Variants in SDK1 observed in about 807,000 individuals in gnomAD.
SDK1 encodes sidekick cell adhesion molecule 1.
SDK1 carries 157 observed loss-of-function variants against 245.5 expected under a neutral mutation model. The observed-to-expected ratio is 0.64, with a 90% CI of 0.56 to 0.73. The LOEUF is 0.73. SDK1 is among the 30% of genes least tolerant of loss of function. SDK1 has a pLI of 0.00. For synonymous variants in SDK1, 1,647 were observed against 1,278.5 expected (o/e 1.29, Z -6.15); for missense variants, 3,583 against 3,002.3 (o/e 1.19, Z -4.52).
chr7:3,301,686 G>C lies in SDK1; in HGVS notation c.100G>C (p.Gly34Arg), dbSNP rs1164054416. 3 of 972,936 alleles carry C rather than the reference G, an allele frequency of 3.1e-6. 1 individual carries two copies. The African/African-American group carries it at 5.4e-5, about 17-fold the overall frequency. 60.3% of individuals were successfully genotyped at this position (972,936 alleles called of 1,614,324 possible). The change falls in exon 1 of 45, where the codon GGC becomes CGC. Residue 34 changes from glycine (G) to arginine (R), a missense_variant. Coordinates refer to ENST00000404826, the MANE Select transcript of SDK1 (RefSeq NM_152744.4). ...CGGGCGGCCGCGGGGATCCCCGCCCGGCCGCGCCCGCCCCTCGCTGGCGCC... is the reference window on the plus strand; with the variant it reads ...CGGGCGGCCGCGGGGATCCCCGCCCCGCCGCGCCCGCCCCTCGCTGGCGCC... ...GPGRPRGSPP[G>R]RARPSLAPRP...
At chr7:4,222,777 G>C (rs1333029420) in intron 40 of SDK1, among the ~76,000 whole-genome samples, 1 of 152,320 alleles carries the variant, frequency 6.6e-6, no homozygotes, top group East Asian at 1.9e-4. Context: ...AGTTGGTAAA[G>C]GATGTGAGTT....
chr7:3,324,415 G>A (rs1288442726), intron 1 of SDK1, among the ~76,000 whole-genome samples: 1 of 151,996 alleles, frequency 6.6e-6, no homozygotes, highest in Non-Finnish European at 1.5e-5. Flanking sequence ...TTTTTTGCTT[G>A]CCTGTTAATT....
At chr7:3,832,183 A>T (rs1216232674) in intron 5 of SDK1, among the ~76,000 whole-genome samples, 1 of 152,198 alleles carries the variant, frequency 6.6e-6, no homozygotes, top group Non-Finnish European at 1.5e-5. Context: ...TACTTTCACT[A>T]ATCTTATGCA....
intron 44 of SDK1, among the ~76,000 whole-genome samples, chr7:4,261,209 G>T (rs926531916): frequency 2.0e-5 from 3 of 152,176 alleles, no homozygotes; most frequent in African/African-American, 7.2e-5. Flanking sequence ...GTGCCGGACG[G>T]TGTCGGCTCA....
At chr7:4,103,093 C>T (rs555640640) in intron 22 of SDK1, among the ~76,000 whole-genome samples, 44 of 150,700 alleles carry the variant, frequency 2.9e-4, no homozygotes, top group African/African-American at 9.5e-4. Flanking sequence ...CTCCGCCTGC[C>T]GGGCTCACGC....
intron 44 of SDK1, among the ~76,000 whole-genome samples, chr7:4,255,249 A>G (rs1241297903): frequency 6.6e-6 from 1 of 152,220 alleles, no homozygotes; most frequent in African/African-American, 2.4e-5. Context: ...CACAGTTTTC[A>G]ACAATGTCCT....
intron 1 of SDK1, among the ~76,000 whole-genome samples, chr7:3,479,861 CAA>C (rs200021941): frequency 7.6e-6 from 1 of 132,272 alleles, no homozygotes; most frequent in Non-Finnish European, 1.6e-5. Context: ...GAGTCCATCT[CAA>C]AAAAAAAAAA....
chr7:3,862,145 C>G (rs1403843412), intron 5 of SDK1, among the ~76,000 whole-genome samples: 2 of 152,228 alleles, frequency 1.3e-5, no homozygotes, highest in East Asian at 3.8e-4. Flanking sequence ...TTACGCAATG[C>G]TTAGGAAATT....
At chr7:4,021,601 C>G (rs772744256) in intron 17 of SDK1, among the ~76,000 whole-genome samples, 22 of 152,192 alleles carry the variant, frequency 1.4e-4, no homozygotes, top group Admixed American at 2.6e-4. Context: ...GGTCACAAGC[C>G]TGCTGCTGCA....
chr7:3,482,264 C>G (rs1007845530), intron 1 of SDK1, among the ~76,000 whole-genome samples: 2 of 152,016 alleles, frequency 1.3e-5, no homozygotes, highest in African/African-American at 4.8e-5. Context: ...TATTTCTGAC[C>G]AGGCAAGAGA....
intron 4 of SDK1, among the ~76,000 whole-genome samples, chr7:3,719,977 T>TAA (rs201406862): frequency 3.8e-4 from 54 of 141,246 alleles, no homozygotes; most frequent in Admixed American, 1.1e-3. Context: ...CTCCATCTCT[T>TAA]AAAAAAAAAA....
Position 3,971,588 on chromosome 7 carries a change from A to T in SDK1, c.1817+20A>T. The stretch of plus-strand genomic sequence containing the variant: ...ACTCCGGTCAGCACAATCAGTTACA[A>T]TGCTTTGGGGCTTGTTGATATTCTG... On this transcript the variant is annotated intron_variant, in intron 12 of 44. Coordinates refer to ENST00000404826, the MANE Select transcript of SDK1 (RefSeq NM_152744.4). The T allele has an allele frequency of 6.5e-7, 1 of 1,540,242 alleles. No homozygotes were observed. Among genetic ancestry groups the T allele is most frequent in the South Asian group, 1.1e-5 (1 of 87,720 alleles).
At chr7:4,043,011 C>T (rs927240601) in intron 17 of SDK1, among the ~76,000 whole-genome samples, 3 of 152,236 alleles carry the variant, frequency 2.0e-5, no homozygotes, top group African/African-American at 4.8e-5. Context: ...GAAACTGAGG[C>T]TTTAGAACCT....
intron 42 of SDK1, 30 bp from the exon 43 acceptor site, chr7:4,241,763 G>C (rs369817574): frequency 6.2e-7 from 1 of 1,613,666 alleles, no homozygotes; most frequent in South Asian, 1.1e-5. Context: ...CCAGTAACAC[G>C]TCTGTTCTCA....
intron 13 of SDK1, among the ~76,000 whole-genome samples, chr7:3,975,466 A>C (rs771891750): frequency 6.6e-6 from 1 of 152,144 alleles, no homozygotes; most frequent in Non-Finnish European, 1.5e-5. Flanking sequence ...CTGTATTCAA[A>C]ATCATTCCCC....
chr7:3,758,901 T>G (rs1295950843), intron 4 of SDK1, among the ~76,000 whole-genome samples: 2 of 152,212 alleles, frequency 1.3e-5, no homozygotes, highest in Non-Finnish European at 2.9e-5. Context: ...CTGTATCTAT[T>G]TAAAAATAAC....
chr7:3,925,468 A>G (rs1779734779), intron 5 of SDK1, among the ~76,000 whole-genome samples: 1 of 152,188 alleles, frequency 6.6e-6, no homozygotes, highest in African/African-American at 2.4e-5. Context: ...TCATCAGGAG[A>G]GACTGCCTCT....
chr7:3,328,069 C>T (rs74516795), intron 1 of SDK1, among the ~76,000 whole-genome samples: 3,444 of 152,124 alleles, frequency 0.023, 143 homozygotes, highest in African/African-American at 0.078. Context: ...CTAAAAATAA[C>T]GTGTTACTGG....
chr7:4,198,923 C>G (rs1205337203), intron 35 of SDK1, among the ~76,000 whole-genome samples: 1 of 151,824 alleles, frequency 6.6e-6, no homozygotes, highest in Admixed American at 6.6e-5. Flanking sequence ...CTGCCATTCT[C>G]CTGCCTCAGC....
Sources: gnomAD v4.1 joint callset for allele counts (sites outside exome capture counted in the v4.1 genomes callset) on GRCh38, gnomAD v4.1.1 for gene constraint, MANE v1.5 for transcripts, NCBI Gene and HGNC (gene_info 2026-07-23, HGNC 2026-07-21) for gene names.